Variants in DSP observed in about 807,000 individuals in gnomAD.
DSP encodes the protein 250/210 kDa paraneoplastic pemphigus antigen.
A neutral mutation model predicts 290.6 loss-of-function variants in DSP; 114 were observed. That is an observed-to-expected ratio of 0.39 (90% confidence interval 0.34 to 0.46). The LOEUF (loss-of-function observed/expected upper bound fraction) is 0.46. DSP is among the 20% of genes least tolerant of loss of function. DSP has a pLI of 0.99. For synonymous variants in DSP, 1,311 were observed against 1,316.4 expected (o/e 1.00, Z 0.09); for missense variants, 3,230 against 3,495.8 (o/e 0.92, Z 1.92).
At chr6:7,542,997 G>A (rs1264352089) in intron 1 of DSP, among the ~76,000 whole-genome samples, 1 of 152,194 alleles carries the variant, frequency 6.6e-6, no homozygotes, top group Non-Finnish European at 1.5e-5. Flanking sequence ...GCCCCGGGAA[G>A]ACCCCCCGGT....
Position 7,568,531 on chromosome 6 carries a change from A to C in DSP, c.1361A>C (p.Asp454Ala), listed in dbSNP as rs1214280201. 6.2e-7 allele frequency: 1 copy of C among 1,614,014 alleles called. No individual in the cohort carries two copies. The highest frequency in any genetic ancestry group is 8.5e-7 in the Non-Finnish European group (1 of 1,180,026). The change falls in exon 11 of 24, where the codon GAC (aspartate) becomes GCC (alanine). Residue 454 changes from aspartate (D) to alanine (A), a missense_variant. This residue lies in a region of DSP where 646 missense variants were observed against 684.3 expected (regional missense o/e 0.94). Transcript: ENST00000379802. ...KIVQLKPRNPDYRSNKPIILR... is the reference protein window; with the variant it reads ...KIVQLKPRNPAYRSNKPIILR... Reference sequence around the variant, plus strand: ...GTACAGCTGAAGCCTCGTAACCCAGACTACAGAAGCAATAAACCCATTATT... The same window carrying C: ...GTACAGCTGAAGCCTCGTAACCCAGCCTACAGAAGCAATAAACCCATTATT...
chr6:7,576,843 C>T, intron 19 of DSP, 116 bp from the exon 20 acceptor site: 1 of 905,934 alleles, frequency 1.1e-6, no homozygotes, highest in Non-Finnish European at 1.7e-6. Flanking sequence ...GAGACAAGTA[C>T]ATGTAGTAAT....
chr6:7,556,552 T>C (rs1758510621), intron 2 of DSP, among the ~76,000 whole-genome samples: 1 of 152,238 alleles, frequency 6.6e-6, no homozygotes. Flanking sequence ...ATGCCGACAC[T>C]GGTATCAAGG....
rs765310938 is a variant in DSP, at chr6:7,559,378, T to C, written c.575T>C (p.Leu192Ser). 1.9e-6 allele frequency: 3 copies of C among 1,612,792 alleles called. No homozygotes were observed. The South Asian group carries it at 3.3e-5, about 18-fold the overall frequency. Residue 192 changes from leucine to serine, a missense_variant, in exon 4 of 24, where the codon TTG becomes TCG. Physicochemically the swap from Leu to Ser is moderately radical, Grantham distance 145. Coordinates refer to ENST00000379802, the MANE Select transcript of DSP (RefSeq NM_004415.4). ...EFTKHVTSECLGWMRQQRAEM... is the reference protein window; with the variant it reads ...EFTKHVTSECSGWMRQQRAEM... ...ACCAAACATGTCACCAGTGAATGTTTGGGGTGGATGAGGCAGCAAAGGGTA... is the reference window on the plus strand; with the variant it reads ...ACCAAACATGTCACCAGTGAATGTTCGGGGTGGATGAGGCAGCAAAGGGTA...
At chr6:7,576,576 C>T in intron 19 of DSP, 120 bp downstream of exon 19, 2 of 1,319,570 alleles carry the variant, frequency 1.5e-6, no homozygotes, top group Non-Finnish European at 1.1e-6. Flanking sequence ...TATTACTAAC[C>T]CATTTTGTGA....
Position 7,565,337 on chromosome 6 carries a change from T to C in DSP, c.778-22T>C. On this transcript the variant is annotated intron_variant, in intron 6 of 23. Transcript: ENST00000379802. The surrounding 1 kb of genome is among the most constrained non-coding windows in gnomAD (Gnocchi z 4.2). ...TCACTGCATATTGTTATTTTAATGC[T>C]GCCTTTGAACCTCCTGTGCAGAAAG... is the stretch of plus-strand genomic sequence containing the variant. 2 of 1,613,830 alleles carry C rather than the reference T, an allele frequency of 1.2e-6. No individual in the cohort carries two copies. The highest frequency in any genetic ancestry group is 1.7e-6 in the Non-Finnish European group (2 of 1,179,952).
rs199882901 is a variant in DSP at position 7,550,218 on chromosome 6, G to GTT, written c.171-5496_171-5495dup. Among the ~76,000 whole-genome samples, 18 of 139,670 alleles carry GTT rather than the reference G, an allele frequency of 1.3e-4. 1 individual carries two copies. Among genetic ancestry groups the GTT allele is most frequent in the Non-Finnish European group, 1.7e-4 (11 of 63,502 alleles). 91.6% of individuals were successfully genotyped at this position (139,670 alleles called of 152,430 possible). On this transcript the variant is annotated intron_variant, in intron 1 of 23. Coordinates refer to ENST00000379802, the MANE Select transcript of DSP (RefSeq NM_004415.4). ...GTGTGCCTTCATGCCCAGCTGTTTT[G>GTT]TTTTTGTTTTTTTTTCTGTAGAGAT...
At chr6:7,574,333 C>A in intron 16 of DSP, 81 bp downstream of exon 16, 1 of 1,403,172 alleles carries the variant, frequency 7.1e-7, no homozygotes, top group Non-Finnish European at 1.0e-6. Flanking sequence ...TAGATGCTTG[C>A]CTTACAGTTT....
rs1174928581 is a variant in DSP at position 7,575,491 on chromosome 6, A to C, written c.2630+3A>C. The C allele has an allele frequency of 6.2e-7, 1 of 1,614,064 alleles. No homozygotes were observed. The highest frequency in any genetic ancestry group is 2.2e-5 in the East Asian group (1 of 44,900). On this transcript the variant is annotated splice_donor_region_variant and intron_variant, in intron 18 of 23. Coordinates refer to ENST00000379802, the MANE Select transcript of DSP (RefSeq NM_004415.4). ...ATAGATAAACAGATCGACTTTAGGT[A>C]TGCCAGCCTCCTCCCGCTCCTTCCC...
At position 7,585,782 on chromosome 6, in the gene DSP, G is replaced by T; in HGVS notation, c.8520G>T (p.Gly2840=). 3.7e-6 allele frequency: 6 copies of T among 1,609,760 alleles called. No homozygotes were observed. Among genetic ancestry groups the T allele is most frequent in the Non-Finnish European group, 5.1e-6 (6 of 1,178,520 alleles). ...GATCTCGCTCCGGATCTCGCTCCGG[G>T]TCCCGCAGTGGGTCCCGGAGAGGAA... is the stretch of plus-strand genomic sequence containing the variant. ...RSGSRSGSRS[G]SRSGSRRGSF... Residue 2840 remains glycine (G), a synonymous_variant, in exon 24 of 24, where the codon GGG becomes GGT. Transcript: ENST00000379802.
chr6:7,542,940 T>TG (rs977152520), intron 1 of DSP, among the ~76,000 whole-genome samples: 3 of 81,948 alleles, frequency 3.7e-5, no homozygotes, highest in African/African-American at 1.4e-4. Flanking sequence ...GGCAGGGGAG[T>TG]GGGGGGGTGG....
chr6:7,542,099 C>T lies in DSP; in HGVS notation c.170+14C>T, dbSNP rs753579133. 3.9e-6 allele frequency: 6 copies of T among 1,553,788 alleles called. No homozygotes were observed. Among genetic ancestry groups the T allele is most frequent in the Non-Finnish European group, 5.2e-6 (6 of 1,148,842 alleles). On this transcript the variant is annotated intron_variant, in intron 1 of 23. Coordinates refer to ENST00000379802, the MANE Select transcript of DSP (RefSeq NM_004415.4). ...GGACGGCTACTGGTGGGTACCTGCC[C>T]GGAGAGCGCGGGCTGCGGGGCTCGC...
intron 15 of DSP, among the ~76,000 whole-genome samples, chr6:7,573,078 A>C (rs1250305549): frequency 6.6e-6 from 1 of 152,092 alleles, no homozygotes; most frequent in Non-Finnish European, 1.5e-5. Flanking sequence ...ACTGTACTCC[A>C]GTCTGGGCAA....
At chr6:7,557,404 G>A (rs1027464106) in intron 2 of DSP, among the ~76,000 whole-genome samples, 2 of 152,194 alleles carry the variant, frequency 1.3e-5, no homozygotes, top group Admixed American at 1.3e-4. Flanking sequence ...CGTTGGCCAG[G>A]CGTGGTGGCT....
rs200250096 is a variant in DSP, at chr6:7,555,729, C to T, written c.182C>T (p.Thr61Met). Reference protein sequence around the residue: ...QNSDGYCQTGTMSRHQNQNTI... With the variant: ...QNSDGYCQTGMMSRHQNQNTI... ...GTTTGCCTCCTTAGTCAAACCGGCACGATGTCCAGGCACCAGAACCAGAAC... is the reference window on the plus strand; with the variant it reads ...GTTTGCCTCCTTAGTCAAACCGGCATGATGTCCAGGCACCAGAACCAGAAC... The change falls in exon 2 of 24, where the codon ACG becomes ATG. Residue 61 changes from threonine to methionine, a missense_variant. Thr to Met is a moderately conservative substitution (Grantham distance 81). This residue lies in a region of DSP where 646 missense variants were observed against 684.3 expected (regional missense o/e 0.94). Transcript: ENST00000379802. 7.4e-6 allele frequency: 12 copies of T among 1,614,176 alleles called. No homozygotes were observed. The East Asian group carries it at 8.9e-5, about 12-fold the overall frequency.
intron 13 of DSP, 64 bp downstream of exon 13, chr6:7,570,627 T>G: frequency 6.2e-7 from 1 of 1,605,982 alleles, no homozygotes; most frequent in East Asian, 2.2e-5. Flanking sequence ...GCAGTGCCTG[T>G]GTCCAACAGT....
intron 1 of DSP, among the ~76,000 whole-genome samples, chr6:7,553,165 A>G (rs1758393206): frequency 6.6e-6 from 1 of 152,006 alleles, no homozygotes. Flanking sequence ...GCGGGGTTTT[A>G]TGCTGTGTTG....
intron 4 of DSP, 47 bp from the exon 5 acceptor site, chr6:7,562,605 C>T (rs767210292): frequency 1.5e-5 from 24 of 1,612,558 alleles, no homozygotes; most frequent in Non-Finnish European, 1.9e-5. Flanking sequence ...GAAACAGGTG[C>T]AAAGGGGCAA....
In DSP at chr6:7,558,186, A is replaced by G. The variant is rs28763958; in HGVS notation, c.344A>G (p.Asn115Ser). Reference protein sequence around the residue: ...RELDECFAQANDQMEILDSLI... With the variant: ...RELDECFAQASDQMEILDSLI... The stretch of plus-strand genomic sequence containing the variant: ...TTGGATGAGTGTTTTGCCCAGGCCA[A>G]TGACCAAATGGAAATCCTCGACAGC... The change falls in exon 3 of 24, where the codon AAT (asparagine) becomes AGT (serine). Residue 115 changes from asparagine to serine, a missense_variant. Asn to Ser is a conservative substitution (Grantham distance 46, BLOSUM62 1). This residue lies in a region of DSP where 646 missense variants were observed against 684.3 expected (regional missense o/e 0.94). Transcript: ENST00000379802. 3.4e-5 allele frequency: 55 copies of G among 1,614,236 alleles called. No homozygotes were observed. The highest frequency in any genetic ancestry group is 8.9e-5 in the East Asian group (4 of 44,888).
Sources: allele counts gnomAD v4.1 joint callset (sites outside exome capture counted in the v4.1 genomes callset), GRCh38; gene constraint gnomAD v4.1.1; regional missense constraint gnomAD v4.1.1; non-coding constraint Gnocchi (gnomAD v3.1); transcripts MANE v1.5; gene names NCBI Gene and HGNC (gene_info 2026-07-23, HGNC 2026-07-21).